PGAP4: variants seen among roughly 807,000 people sequenced by gnomAD.
PGAP4 encodes the protein GPI-N-acetylgalactosamine transferase PGAP4.
A neutral mutation model predicts 28.2 loss-of-function variants in PGAP4; 12 were observed. The ratio of observed to expected loss-of-function variants is 0.42; its 90% confidence interval spans 0.27 to 0.69. The LOEUF (loss-of-function observed/expected upper bound fraction) is 0.69. Ranked by LOEUF, PGAP4 falls within the 30% of genes least tolerant of loss-of-function variation. The probability of loss-of-function intolerance (pLI) is 0.22; values close to 1 mark genes in which losing one functional copy is unlikely to be tolerated. For missense variants in PGAP4, 425 were observed against 513.5 expected (o/e 0.83, Z 1.67); for synonymous variants, 205 against 211.8 (o/e 0.97, Z 0.28).
At chr9:101,505,527 G>C (rs997955500) in intron 2 of PGAP4, among the ~76,000 whole-genome samples, 2 of 151,980 alleles carry the variant, frequency 1.3e-5, no homozygotes, top group African/African-American at 4.8e-5. Context: ...GGTATTTCCA[G>C]CCTACTGACC....
At chr9:101,500,091 T>C (rs975805374) in intron 2 of PGAP4, among the ~76,000 whole-genome samples, 3 of 152,074 alleles carry the variant, frequency 2.0e-5, no homozygotes, top group African/African-American at 7.2e-5. Context: ...GTTTTGCATG[T>C]ATTTGTTTTG....
In PGAP4 at chr9:101,473,748, T is replaced by G. The variant is rs1376993737; in HGVS notation, c.*2133A>C. 6.6e-6 allele frequency: 1 copy of G among 152,294 alleles called. No homozygotes were observed. Among genetic ancestry groups the G allele is most frequent in the Non-Finnish European group, 1.5e-5 (1 of 68,106 alleles). The allele number at this position is 152,294 out of a possible 1,614,324, so 9.4% of individuals were successfully genotyped here. ...TGGCTAGCTTAAAGGGGCTCTACTG[T>G]CATTGGTCAAAAAACTTTCATGAGG... is the stretch of plus-strand genomic sequence containing the variant. On this transcript the variant is annotated 3_prime_UTR_variant, in exon 2 of 2. Coordinates refer to ENST00000374848, the MANE Select transcript of PGAP4 (RefSeq NM_032342.3).
intron 2 of PGAP4, among the ~76,000 whole-genome samples, chr9:101,502,657 G>T (rs914640642): frequency 6.6e-6 from 1 of 152,056 alleles, no homozygotes; most frequent in African/African-American, 2.4e-5. Flanking sequence ...TTCCTGTTAG[G>T]GCATCCTTCC....
intron 2 of PGAP4, among the ~76,000 whole-genome samples, chr9:101,497,843 C>T (rs192374010): frequency 8.6e-5 from 13 of 151,684 alleles, no homozygotes; most frequent in African/African-American, 2.7e-4. Context: ...GCCATGTAGA[C>T]ACAACATACA....
chr9:101,518,366 G>A (rs753343668), intron 2 of PGAP4, among the ~76,000 whole-genome samples: 2 of 152,080 alleles, frequency 1.3e-5, no homozygotes, highest in Non-Finnish European at 2.9e-5. Flanking sequence ...GTGAGATCTT[G>A]GTGTTCCCAT....
chr9:101,476,835 G>C lies in PGAP4; in HGVS notation c.258C>G (p.Ala86=), dbSNP rs748865082. Residue 86 remains alanine, a synonymous_variant, in exon 2 of 2, where the codon GCC becomes GCG. Transcript: ENST00000374848. The surrounding 1 kb of genome is among the most constrained non-coding windows in gnomAD (Gnocchi z 7.0). ...ALHYFEELPS[A]NGSVPIVWQA... ...GCCAGACAATGGGCACTGAGCCATT[G>C]GCAGAGGGAAGCTCCTCAAAATAGT... is the stretch of plus-strand genomic sequence containing the variant. The C allele has an allele frequency of 3.8e-5, 61 of 1,608,796 alleles. No individual in the cohort carries two copies.
intron 2 of PGAP4, among the ~76,000 whole-genome samples, chr9:101,525,275 T>A (rs1827025201): frequency 6.6e-6 from 1 of 152,190 alleles, no homozygotes; most frequent in Non-Finnish European, 1.5e-5. Flanking sequence ...TCATATTTAT[T>A]TACACGTAAA....
chr9:101,500,351 T>C (rs1287524904), intron 2 of PGAP4, among the ~76,000 whole-genome samples: 3 of 152,118 alleles, frequency 2.0e-5, no homozygotes, highest in East Asian at 1.9e-4. Context: ...TCTTGGATCA[T>C]TGAGGCTCTT....
chr9:101,504,590 C>T (rs973427677), intron 2 of PGAP4, among the ~76,000 whole-genome samples: 1 of 151,902 alleles, frequency 6.6e-6, no homozygotes, highest in Non-Finnish European at 1.5e-5. Flanking sequence ...CATTTGAGCA[C>T]CCTGATCTCT....
upstream of PGAP4, chr9:101,533,682 G>A (rs930489288): frequency 8.5e-5 from 13 of 152,392 alleles, no homozygotes; most frequent in African/African-American, 2.9e-4. Context: ...TCGTAGCCAG[G>A]AGAGGGTCCC....
chr9:101,530,757 A>G (rs1418357774), intron 2 of PGAP4, among the ~76,000 whole-genome samples: 1 of 152,228 alleles, frequency 6.6e-6, no homozygotes, highest in Non-Finnish European at 1.5e-5. Flanking sequence ...CTCAGAAAAG[A>G]CAGATCTCAC....
chr9:101,494,561 A>G (rs1042178123), intron 2 of PGAP4, among the ~76,000 whole-genome samples: 1 of 151,894 alleles, frequency 6.6e-6, no homozygotes, highest in Non-Finnish European at 1.5e-5. Flanking sequence ...AATCCTGATT[A>G]GTAGTTTTGT....
At chr9:101,501,955 A>G (rs1373833159) in intron 2 of PGAP4, 2 of 306,926 alleles carry the variant, frequency 6.5e-6, no homozygotes, top group Admixed American at 7.9e-5. Context: ...GCTAAGTAGT[A>G]TCTGCTGGAT....
chr9:101,507,755 T>C (rs1826859902), intron 2 of PGAP4, among the ~76,000 whole-genome samples: 1 of 152,134 alleles, frequency 6.6e-6, no homozygotes, highest in African/African-American at 2.4e-5. Flanking sequence ...TGGATTATTA[T>C]AGTGCTTAAT....
At chr9:101,490,631 C>T (rs898913873), upstream of PGAP4, among the ~76,000 whole-genome samples, 1 of 152,130 alleles carries the variant, frequency 6.6e-6, no homozygotes. Context: ...AGATATAGTC[C>T]TCCTTGATTT....
intron 2 of PGAP4, among the ~76,000 whole-genome samples, chr9:101,508,059 C>G (rs1029156727): frequency 4.6e-5 from 7 of 151,864 alleles, no homozygotes; most frequent in African/African-American, 1.5e-4. Context: ...AAAATGGTAA[C>G]CTCTCAATCA....
chr9:101,531,201 C>CACACACACAA (rs1210482453), intron 2 of PGAP4: 13 of 134,880 alleles, frequency 9.6e-5, no homozygotes, highest in African/African-American at 4.0e-4. Flanking sequence ...TTTCTACACA[C>CACACACACAA]ACACACACAC....
Position 101,476,498 on chromosome 9 carries a change from G to T in PGAP4, c.595C>A (p.Leu199Met). ...QDYVYCLESS[L>M]QTYNPDYVLM... ...ACGTAGTCTGGGTTGTAGGTCTGCA[G>T]GGATGACTCCAGGCAATAGACATAG... The change falls in exon 2 of 2, where the codon CTG (leucine) becomes ATG (methionine). Residue 199 changes from leucine (L) to methionine (M), a missense_variant. Coordinates refer to ENST00000374848, the MANE Select transcript of PGAP4 (RefSeq NM_032342.3). This position sits in a 1 kb window ranked among gnomAD's most constrained non-coding sequence, Gnocchi z 7.0. The T allele has an allele frequency of 1.2e-6, 2 of 1,614,172 alleles. No individual in the cohort carries two copies. Among genetic ancestry groups the T allele is most frequent in the Non-Finnish European group, 1.7e-6 (2 of 1,180,030 alleles).
chr9:101,476,742 G>A lies in PGAP4; in HGVS notation c.351C>T (p.Tyr117=), dbSNP rs561312129. The change falls in exon 2 of 2, where the codon TAC becomes TAT. Residue 117 remains tyrosine, a synonymous_variant. Coordinates refer to ENST00000374848, the MANE Select transcript of PGAP4 (RefSeq NM_032342.3). This position sits in a 1 kb window ranked among gnomAD's most constrained non-coding sequence, Gnocchi z 7.0. The stretch of plus-strand genomic sequence containing the variant: ...GGAACTGGGACACAACCTGCAGGAC[G>A]TAGTGGAAGCCAGGCTGCCTGTCCA... ...ITVDRQPGFH[Y]VLQVVSQFHR... 1.8e-5 allele frequency: 29 copies of A among 1,613,922 alleles called. No homozygotes were observed. The South Asian group carries it at 1.9e-4, about 10-fold the overall frequency.
Sources: gnomAD v4.1 joint callset for allele counts (sites outside exome capture counted in the v4.1 genomes callset) on GRCh38, gnomAD v4.1.1 for gene constraint, Gnocchi (gnomAD v3.1) non-coding constraint, MANE v1.5 for transcripts, NCBI Gene and HGNC (gene_info 2026-07-23, HGNC 2026-07-21) for gene names.